The following FAT3 variants were observed in gnomAD, a reference collection of about 807,000 sequenced individuals.
The protein encoded by FAT3 is protocadherin Fat 3.
In FAT3, 95 loss-of-function variants were observed where a neutral mutation model predicts 310.2. The observed-to-expected ratio is 0.31, with a 90% CI of 0.26 to 0.36. The LOEUF is 0.36. FAT3 is among the 10% of genes least tolerant of loss of function. The probability of loss-of-function intolerance (pLI) is 1.00; values close to 1 mark genes in which losing one functional copy is unlikely to be tolerated. For missense variants in FAT3, 5,408 were observed against 5,715.6 expected (o/e 0.95, Z 1.74); for synonymous variants, 2,314 against 2,192.9 (o/e 1.06, Z -1.54).
chr11:92,670,607 G>A (rs910976776), intron 3 of FAT3, among the ~76,000 whole-genome samples: 1 of 152,182 alleles, frequency 6.6e-6, no homozygotes, highest in Admixed American at 6.5e-5. Flanking sequence ...GGGAATTGGG[G>A]CCAGACTTTT....
chr11:92,626,484 T>TTC (rs1183526714), intron 3 of FAT3, among the ~76,000 whole-genome samples: 1 of 149,962 alleles, frequency 6.7e-6, no homozygotes, highest in Non-Finnish European at 1.5e-5. Flanking sequence ...TTTTTTTTTT[T>TTC]CCCTTCAAAA....
chr11:92,447,222 C>CGTGT (rs34833885), intron 2 of FAT3, among the ~76,000 whole-genome samples: 6,236 of 146,356 alleles, frequency 0.043, 161 homozygotes, highest in African/African-American at 0.074. Flanking sequence ...TATATGTGTG[C>CGTGT]GTGTGTGTGT....
chr11:92,875,513 CT>C (rs961240460), intron 22 of FAT3, among the ~76,000 whole-genome samples: 11 of 151,244 alleles, frequency 7.3e-5, no homozygotes, highest in African/African-American at 2.7e-4. Flanking sequence ...GTTTTTCTGT[CT>C]TTGTATCCCC....
chr11:92,470,495 G>C (rs1238279808), intron 2 of FAT3, among the ~76,000 whole-genome samples: 1 of 152,110 alleles, frequency 6.6e-6, no homozygotes. Context: ...TCCATGACTG[G>C]GGTACAAATT....
At chr11:92,412,443 G>A (rs1320102924) in intron 2 of FAT3, among the ~76,000 whole-genome samples, 4 of 123,396 alleles carry the variant, frequency 3.2e-5, no homozygotes, top group South Asian at 2.8e-4. Context: ...TAGTGAAGTC[G>A]CAGAATGTAT....
intron 1 of FAT3, among the ~76,000 whole-genome samples, chr11:92,263,532 A>G (rs565367468): frequency 5.3e-5 from 8 of 152,168 alleles, no homozygotes; most frequent in African/African-American, 1.9e-4. Context: ...TGATGTGAAG[A>G]TTACAGGAGA....
At chr11:92,738,150 T>C (rs183722318) in intron 4 of FAT3, among the ~76,000 whole-genome samples, 1 of 152,290 alleles carries the variant, frequency 6.6e-6, no homozygotes, top group Admixed American at 6.5e-5. Context: ...GGAAGCCCTC[T>C]GAAATAATAC....
intron 21 of FAT3, among the ~76,000 whole-genome samples, chr11:92,865,350 TCTA>T (rs1390988955): frequency 6.6e-6 from 1 of 152,210 alleles, no homozygotes; most frequent in East Asian, 1.9e-4. Flanking sequence ...ACTGCTTCAG[TCTA>T]TTTCTGTGAA....
chr11:92,227,386 TA>T (rs1863965899), intron 1 of FAT3, among the ~76,000 whole-genome samples: 1 of 152,054 alleles, frequency 6.6e-6, no homozygotes, highest in Admixed American at 6.6e-5. Context: ...TAAGTTAAAA[TA>T]AAAGCAGAGA....
rs1949945615 is a variant in FAT3, at chr11:92,892,813, C to T, written c.*1700C>T. The T allele has an allele frequency of 6.6e-6, 1 of 152,212 alleles. No homozygotes were observed. Among genetic ancestry groups the T allele is most frequent in the Non-Finnish European group, 1.5e-5 (1 of 68,050 alleles). 9.4% of individuals were successfully genotyped at this position (152,212 alleles called of 1,614,324 possible). The stretch of plus-strand genomic sequence containing the variant: ...TGATTACACCCTGGGATTCCCTTCT[C>T]ATCTGTGGGCTTTGGCCATGATTTC... On this transcript the variant is annotated 3_prime_UTR_variant, in exon 28 of 28. Transcript: ENST00000525166.
At chr11:92,501,631 C>T (rs1287595216) in intron 2 of FAT3, among the ~76,000 whole-genome samples, 1 of 151,490 alleles carries the variant, frequency 6.6e-6, no homozygotes, top group Non-Finnish European at 1.5e-5. Flanking sequence ...TGCCTGTTTT[C>T]CTCCTGTCTT....
intron 1 of FAT3, among the ~76,000 whole-genome samples, chr11:92,281,814 C>T (rs1946429866): frequency 6.6e-6 from 1 of 152,168 alleles, no homozygotes; most frequent in African/African-American, 2.4e-5. Context: ...GTTTGGATTA[C>T]TCCTTTTCCT....
intron 2 of FAT3, among the ~76,000 whole-genome samples, chr11:92,483,014 A>G (rs1004831408): frequency 6.6e-5 from 10 of 152,222 alleles, no homozygotes; most frequent in Non-Finnish European, 1.3e-4. Context: ...GAAAAGAGTC[A>G]TAGGTGCTCT....
At chr11:92,588,710 GT>G (rs1939275991) in intron 3 of FAT3, among the ~76,000 whole-genome samples, 2 of 148,236 alleles carry the variant, frequency 1.3e-5, no homozygotes, top group Non-Finnish European at 3.0e-5. Flanking sequence ...AGCCAGATGG[GT>G]TTGGGTGGAG....
intron 1 of FAT3, among the ~76,000 whole-genome samples, chr11:92,287,140 C>T (rs974688459): frequency 7.2e-5 from 11 of 152,102 alleles, no homozygotes; most frequent in South Asian, 4.2e-4. Context: ...TCTTAGAGAA[C>T]GGAGGTATTT....
In FAT3 at chr11:92,859,198, A is replaced by G. The variant is rs1312675857; in HGVS notation, c.11534A>G (p.Tyr3845Cys). Residue 3845 changes from tyrosine to cysteine, a missense_variant, in exon 21 of 28, where the codon TAC becomes TGC. Physicochemically the swap from Tyr to Cys is radical, Grantham distance 194. Transcript: ENST00000525166. ...TCTCTCAGCTTTGCTGGAAACAGTT[A>G]CATCAAATATCGGCTTTCTGAAAAT... ...HTSLSFAGNS[Y>C]IKYRLSENSK... 2 of 1,613,832 alleles carry G rather than the reference A, an allele frequency of 1.2e-6. No individual in the cohort carries two copies. The highest frequency in any genetic ancestry group is 2.2e-5 in the East Asian group (1 of 44,884).
chr11:92,527,539 G>A (rs1953909031), intron 3 of FAT3, among the ~76,000 whole-genome samples: 1 of 152,196 alleles, frequency 6.6e-6, no homozygotes, highest in Admixed American at 6.5e-5. Context: ...ATCATGATGT[G>A]TTTGAAGGCT....
At chr11:92,444,480 T>C (rs544945471) in intron 2 of FAT3, among the ~76,000 whole-genome samples, 56 of 152,236 alleles carry the variant, frequency 3.7e-4, no homozygotes, top group African/African-American at 1.2e-3. Context: ...CTTGGACCAG[T>C]GTCCTGCGCA....
chr11:92,421,580 G>C (rs575115076), intron 2 of FAT3, among the ~76,000 whole-genome samples: 4 of 152,218 alleles, frequency 2.6e-5, no homozygotes, highest in Non-Finnish European at 5.9e-5. Context: ...GCAACTTTTA[G>C]AGATCTTACA....
Sources: allele counts gnomAD v4.1 joint callset (sites outside exome capture counted in the v4.1 genomes callset), GRCh38; gene constraint gnomAD v4.1.1; transcripts MANE v1.5; gene names NCBI Gene and HGNC (gene_info 2026-07-23, HGNC 2026-07-21).